The following LSM4 variants were observed in gnomAD, a reference collection of about 807,000 sequenced individuals.
LSM4 encodes the protein U6 snRNA-associated Sm-like protein LSm4.
LSM4 carries 15 observed loss-of-function variants against 22.3 expected under a neutral mutation model. That is an observed-to-expected ratio of 0.67 (90% CI 0.45 to 1.03). The LOEUF is 1.03. LSM4 is among the 50% of genes least tolerant of loss of function. The probability of loss-of-function intolerance (pLI) is 0.00; values close to 1 mark genes in which losing one functional copy is unlikely to be tolerated. For missense variants in LSM4, 127 were observed against 198.0 expected, an observed-to-expected ratio of 0.64 and a Z score of 2.15; for synonymous variants, 90 against 79.8, an observed-to-expected ratio of 1.13 and a Z score of -0.68.
rs142445518 is a variant in LSM4, at chr19:18,311,758, C to T, written c.144+846G>A. On this transcript the variant is annotated intron_variant, in intron 3 of 4. Coordinates refer to ENST00000593829, the MANE Select transcript of LSM4 (RefSeq NM_012321.5). ...GCAGCCTCACCACCTGTCCCCACCC[C>T]GCCCAGCCCTGTGCTGATGAGAGGC... Among the ~76,000 whole-genome samples the T allele has an allele frequency of 6.0e-3, 908 of 152,270 alleles. 8 individuals carry two copies. The highest frequency in any genetic ancestry group is 0.022 in the East Asian group (116 of 5,180).
intron 1 of LSM4, among the ~76,000 whole-genome samples, chr19:18,317,335 CTTTTTTTTT>C (rs61470544): frequency 1.5e-5 from 2 of 137,050 alleles, no homozygotes; most frequent in Non-Finnish European, 3.1e-5. Context: ...ACTGGGTTTT[CTTTTTTTTT>C]TTTTTTGAGA....
At chr19:18,308,439 G>A (rs1035158593) in intron 4 of LSM4, among the ~76,000 whole-genome samples, 3 of 152,236 alleles carry the variant, frequency 2.0e-5, no homozygotes, top group Non-Finnish European at 4.4e-5. Flanking sequence ...CTAGCTGGAC[G>A]AACGCTTGAG....
At chr19:18,311,805 G>A (rs994045236) in intron 3 of LSM4, among the ~76,000 whole-genome samples, 10 of 152,258 alleles carry the variant, frequency 6.6e-5, no homozygotes, top group Admixed American at 3.3e-4. Flanking sequence ...TGGGGGTGGC[G>A]GTCAGGGCAA....
At chr19:18,319,789 C>A (rs533782745) in intron 1 of LSM4, among the ~76,000 whole-genome samples, 1 of 152,284 alleles carries the variant, frequency 6.6e-6, no homozygotes, top group African/African-American at 2.4e-5. Context: ...AATGGCCACC[C>A]TCTGCCTCAT....
At position 18,307,395 on chromosome 19, in the gene LSM4, C is replaced by T. The variant is rs897971246; in HGVS notation, c.*69G>A. On this transcript the variant is annotated 3_prime_UTR_variant, in exon 5 of 5. Coordinates refer to ENST00000593829, the MANE Select transcript of LSM4 (RefSeq NM_012321.5). Reference sequence around the variant, plus strand: ...CTGCCTCTTCCTTTCTGAGCAGATCCGTCCGAGACTGTGGAGCGGAATCGC... The same window carrying T: ...CTGCCTCTTCCTTTCTGAGCAGATCTGTCCGAGACTGTGGAGCGGAATCGC... The T allele has an allele frequency of 1.2e-5, 15 of 1,261,016 alleles. No individual in the cohort carries two copies. The highest frequency in any genetic ancestry group is 9.2e-5 in the East Asian group (3 of 32,560). 78.1% of individuals were successfully genotyped at this position (1,261,016 alleles called of 1,614,324 possible).
chr19:18,319,682 C>A (rs1430795140), intron 1 of LSM4, among the ~76,000 whole-genome samples: 2 of 152,238 alleles, frequency 1.3e-5, no homozygotes, highest in Admixed American at 1.3e-4. Flanking sequence ...CCGCCACACC[C>A]ATTCCTGCCA....
chr19:18,319,388 C>T (rs1970398208), intron 1 of LSM4, among the ~76,000 whole-genome samples: 1 of 152,020 alleles, frequency 6.6e-6, no homozygotes, highest in South Asian at 2.1e-4. Context: ...ATGGTGAAAC[C>T]CCATCTCTAC....
intron 1 of LSM4, among the ~76,000 whole-genome samples, chr19:18,316,892 A>G (rs891836180): frequency 2.0e-5 from 3 of 152,156 alleles, no homozygotes; most frequent in East Asian, 3.9e-4. Context: ...GCAGGGGTCA[A>G]TCCCATCAGA....
chr19:18,309,584 G>A (rs536386286), intron 4 of LSM4, 94 bp downstream of exon 4: 58 of 1,358,304 alleles, frequency 4.3e-5, no homozygotes, highest in Admixed American at 2.9e-4. Flanking sequence ...GGGAGGCTCC[G>A]AGGCAGCGCT....
rs1000201773 is a variant in LSM4 at position 18,306,632 on chromosome 19, A to G, written c.*832T>C. The G allele has an allele frequency of 1.3e-5, 2 of 152,328 alleles. No individual in the cohort carries two copies. Among genetic ancestry groups the G allele is most frequent in the Non-Finnish European group, 2.9e-5 (2 of 68,150 alleles). 9.4% of individuals were successfully genotyped at this position (152,328 alleles called of 1,614,324 possible). ...GCCCCTGCCTGGGACTTCCCTCCCC[A>G]CACACCCCTTGGCATTAACGTCTCC... On this transcript the variant is annotated 3_prime_UTR_variant, in exon 5 of 5. Transcript: ENST00000593829.
In LSM4 at chr19:18,307,122, G is replaced by T; in HGVS notation, c.*342C>A. 1 of 239,486 alleles carries T rather than the reference G, an allele frequency of 4.2e-6. No homozygotes were observed. The highest frequency in any genetic ancestry group is 8.0e-6 in the Non-Finnish European group (1 of 124,958). 14.8% of individuals were successfully genotyped at this position (239,486 alleles called of 1,614,324 possible). A position where few individuals can be genotyped will look rare whatever the true frequency, so the allele number is the denominator to read the frequency against. The stretch of plus-strand genomic sequence containing the variant: ...AAAATCTCCCGTCTGGTTGCTGCTC[G>T]GAGAGGCTCCAAGAAATGCAAAACA... On this transcript the variant is annotated 3_prime_UTR_variant, in exon 5 of 5. Coordinates refer to ENST00000593829, the MANE Select transcript of LSM4 (RefSeq NM_012321.5).
intron 4 of LSM4, 49 bp downstream of exon 4, chr19:18,309,629 G>A (rs373407161): frequency 6.5e-7 from 1 of 1,526,800 alleles, no homozygotes; most frequent in Non-Finnish European, 8.8e-7. Flanking sequence ...GATGCCACGT[G>A]TGGCTGTCTT....
chr19:18,310,603 G>A (rs1970288045), intron 3 of LSM4, among the ~76,000 whole-genome samples: 2 of 152,118 alleles, frequency 1.3e-5, no homozygotes, highest in Admixed American at 6.5e-5. Flanking sequence ...ATTAGCAGGG[G>A]CCAGGGCCAT....
At position 18,308,518 on chromosome 19, in the gene LSM4, A is replaced by T. The variant is rs1226184782; in HGVS notation, c.329-963T>A. Among the ~76,000 whole-genome samples, 4 of 152,344 alleles carry T rather than the reference A, an allele frequency of 2.6e-5. No homozygotes were observed. In the East Asian group the frequency reaches 7.7e-4, roughly 29 times the overall value. On this transcript the variant is annotated intron_variant, in intron 4 of 4. Coordinates refer to ENST00000593829, the MANE Select transcript of LSM4 (RefSeq NM_012321.5). ...GCAAGAGGAGCTGGCCCTGTGGCCC[A>T]TGTGCTGGGTGCCAGGGGCCAGAGG...
In LSM4 at chr19:18,320,719, C is replaced by T. The variant is rs1430916324; in HGVS notation, c.3+2299G>A. ...GAGGCTGAGGTAGGAGAATCACTCT[C>T]GGAGAGGTGGAGGTTGCAGTGAGCT... On this transcript the variant is annotated intron_variant, in intron 1 of 4. Transcript: ENST00000593829. 2.0e-5 allele frequency among the ~76,000 whole-genome samples: 3 copies of T among 152,046 alleles called. 1 individual carries two copies. The East Asian group carries it at 5.8e-4, about 29-fold the overall frequency.
At chr19:18,322,786 G>A (rs1229603785) in intron 1 of LSM4, among the ~76,000 whole-genome samples, 1 of 151,908 alleles carries the variant, frequency 6.6e-6, no homozygotes, top group Admixed American at 6.6e-5. Flanking sequence ...CTAAGGCGAG[G>A]CCACTGTACT....
intron 1 of LSM4, among the ~76,000 whole-genome samples, chr19:18,318,163 C>T (rs1160747636): frequency 2.6e-5 from 4 of 152,246 alleles, no homozygotes; most frequent in Admixed American, 1.3e-4. Context: ...GCCCTGGCCA[C>T]CACCCTAATC....
chr19:18,316,773 G>A (rs961014787), intron 1 of LSM4, among the ~76,000 whole-genome samples: 11 of 152,098 alleles, frequency 7.2e-5, no homozygotes, highest in African/African-American at 2.4e-4. Flanking sequence ...GTACTATGGC[G>A]CTAGGAGGAG....
In LSM4 at chr19:18,307,281, C is replaced by G. The variant is rs949262100; in HGVS notation, c.*183G>C. On this transcript the variant is annotated 3_prime_UTR_variant, in exon 5 of 5. Coordinates refer to ENST00000593829, the MANE Select transcript of LSM4 (RefSeq NM_012321.5). The stretch of plus-strand genomic sequence containing the variant: ...AACCAAAAAACACCAAGTAACATTT[C>G]TAACCGGAGAATTGCCGGTTTTAGC... 1 of 460,662 alleles carries G rather than the reference C, an allele frequency of 2.2e-6. No homozygotes were observed. The highest frequency in any genetic ancestry group is 3.7e-6 in the Non-Finnish European group (1 of 267,562). The allele number at this position is 460,662 out of a possible 1,614,324, so 28.5% of individuals were successfully genotyped here.
Sources: allele counts gnomAD v4.1 joint callset (sites outside exome capture counted in the v4.1 genomes callset), GRCh38; gene constraint gnomAD v4.1.1; transcripts MANE v1.5; gene names NCBI Gene and HGNC (gene_info 2026-07-23, HGNC 2026-07-21).